DDB2: variants seen among roughly 807,000 people sequenced by gnomAD.
DDB2 encodes DNA damage-binding protein 2.
Under a neutral mutation model 50.5 loss-of-function variants are expected in DDB2, and 27 were observed. That is an observed-to-expected ratio of 0.53 (90% CI 0.39 to 0.74). The LOEUF (loss-of-function observed/expected upper bound fraction) is 0.74, where lower values mean the gene tolerates loss of function less well. Ranked by LOEUF, DDB2 falls within the 30% of genes least tolerant of loss-of-function variation. The probability of loss-of-function intolerance (pLI) is 0.00; values close to 1 mark genes in which losing one functional copy is unlikely to be tolerated. For synonymous variants in DDB2, 176 were observed against 205.5 expected (o/e 0.86, Z 1.23); for missense variants, 424 against 545.6 (o/e 0.78, Z 2.22).
chr11:47,229,017 CTATCTTCCT>C (rs1457207902), intron 3 of DDB2, among the ~76,000 whole-genome samples: 2 of 149,988 alleles, frequency 1.3e-5, no homozygotes, highest in Non-Finnish European at 1.5e-5. Flanking sequence ...ATCTATCTAT[CTATCTTCCT>C]CTTTCTTCAT....
chr11:47,236,787 T>C (rs1252837534), intron 7 of DDB2, among the ~76,000 whole-genome samples: 1 of 152,244 alleles, frequency 6.6e-6, no homozygotes, highest in East Asian at 1.9e-4. Flanking sequence ...CCTTCCCCAG[T>C]TGGTGTTCCT....
intron 3 of DDB2, among the ~76,000 whole-genome samples, chr11:47,225,840 T>C (rs1178418034): frequency 2.6e-5 from 4 of 152,190 alleles, no homozygotes; most frequent in South Asian, 4.1e-4. Flanking sequence ...ACTTTAGATA[T>C]CTCATCTAAG....
intron 3 of DDB2, among the ~76,000 whole-genome samples, chr11:47,221,280 T>G (rs2135491172): frequency 6.6e-6 from 1 of 151,826 alleles, no homozygotes; most frequent in South Asian, 2.1e-4. Context: ...TACACTATTT[T>G]TTTTTTTTTC....
rs772542105 is a variant in DDB2 at position 47,215,257 on chromosome 11, G to T, written c.121G>T (p.Gly41Cys). The change falls in exon 1 of 10, where the codon GGC (glycine) becomes TGC (cysteine). Residue 41 changes from glycine to cysteine, a missense_variant. Physicochemically the swap from Gly to Cys is radical, Grantham distance 159. Coordinates refer to ENST00000256996, the MANE Select transcript of DDB2 (RefSeq NM_000107.3). ...EPEAKKLCAK[G>C]SGPSRRCDSD... ...CGAGGCCAAGAAGCTCTGTGCGAAGGGCTCCGGTACTGCCTGTGCCTGCTG... is the reference window on the plus strand; with the variant it reads ...CGAGGCCAAGAAGCTCTGTGCGAAGTGCTCCGGTACTGCCTGTGCCTGCTG... 1 of 1,613,798 alleles carries T rather than the reference G, an allele frequency of 6.2e-7. No homozygotes were observed. Among genetic ancestry groups the T allele is most frequent in the Non-Finnish European group, 8.5e-7 (1 of 1,179,986 alleles).
chr11:47,216,679 T>G (rs1953404757), intron 2 of DDB2, among the ~76,000 whole-genome samples, 179 bp from the exon 3 acceptor site: 1 of 152,194 alleles, frequency 6.6e-6, no homozygotes, highest in Admixed American at 6.5e-5. Flanking sequence ...CTGCCCCTTT[T>G]GCTTTCCAAG....
At chr11:47,223,943 A>T (rs4647726) in intron 3 of DDB2, among the ~76,000 whole-genome samples, 40,156 of 151,964 alleles carry the variant, frequency 0.26, 6,622 homozygotes, top group East Asian at 0.65. Context: ...CATCTCTACA[A>T]AAAAATCTTA....
chr11:47,226,257 T>TTCCC (rs1224499183), intron 3 of DDB2, among the ~76,000 whole-genome samples: 18 of 151,320 alleles, frequency 1.2e-4, no homozygotes, highest in Non-Finnish European at 7.4e-5. Flanking sequence ...ACTTCTCTAC[T>TTCCC]TCCCCACCAA....
At chr11:47,236,926 A>G (rs1400062265) in intron 7 of DDB2, among the ~76,000 whole-genome samples, 2 of 152,238 alleles carry the variant, frequency 1.3e-5, no homozygotes, top group African/African-American at 2.4e-5. Flanking sequence ...CGCATGTACT[A>G]TTTCTTCCTT....
In DDB2 at chr11:47,215,055, C is replaced by T; in HGVS notation, c.-82C>T. 6.2e-7 allele frequency: 1 copy of T among 1,606,458 alleles called. No homozygotes were observed. The highest frequency in any genetic ancestry group is 2.2e-5 in the East Asian group (1 of 44,794). On this transcript the variant is annotated 5_prime_UTR_variant, in exon 1 of 10. Transcript: ENST00000256996. ...TGGCCCCGCAGTTTTGTAGTCCCCG[C>T]CTTGTTTCTCCCCAGAGGCCTCTCA...
rs1179727678 is a variant in DDB2, at chr11:47,239,092, G to C, written c.*243G>C. 1.9e-6 allele frequency: 1 copy of C among 523,130 alleles called. No individual in the cohort carries two copies. The highest frequency in any genetic ancestry group is 1.9e-5 in the African/African-American group (1 of 52,434). The allele number at this position is 523,130 out of a possible 1,614,324, so 32.4% of individuals were successfully genotyped here. ...TGTCCCAAGGGCCCCTCTGTATCTA[G>C]CCTGGAACCAAGGTTATCTTGGAAC... On this transcript the variant is annotated 3_prime_UTR_variant, in exon 10 of 10. Coordinates refer to ENST00000256996, the MANE Select transcript of DDB2 (RefSeq NM_000107.3).
At chr11:47,227,487 G>A (rs1953577669) in intron 3 of DDB2, among the ~76,000 whole-genome samples, 1 of 150,098 alleles carries the variant, frequency 6.7e-6, no homozygotes, top group Non-Finnish European at 1.5e-5. Context: ...TTTGTCGATT[G>A]TTTCTTTTGA....
chr11:47,214,911 C>T, upstream of DDB2: 1 of 613,312 alleles, frequency 1.6e-6, no homozygotes. Flanking sequence ...ACCCCCTCCC[C>T]GCGCCCCCGC....
intron 3 of DDB2, among the ~76,000 whole-genome samples, chr11:47,222,526 A>G (rs781493486): frequency 1.3e-5 from 2 of 152,130 alleles, no homozygotes; most frequent in African/African-American, 4.8e-5. Context: ...AAATTTTGTT[A>G]TAGAGACAGA....
intron 1 of DDB2, chr11:47,215,590 A>T: frequency 2.8e-6 from 1 of 356,954 alleles, no homozygotes; most frequent in Non-Finnish European, 5.4e-6. Flanking sequence ...TTTCATAGTC[A>T]CGCTTGTTAG....
At chr11:47,215,629 A>G (rs1456840117) in intron 1 of DDB2, 1 of 354,534 alleles carries the variant, frequency 2.8e-6, no homozygotes, top group Non-Finnish European at 5.5e-6. Flanking sequence ...CAGTTGTGAG[A>G]GCCCCCAATT....
At chr11:47,218,573 C>G (rs978148868) in intron 3 of DDB2, among the ~76,000 whole-genome samples, 23 of 152,106 alleles carry the variant, frequency 1.5e-4, no homozygotes, top group Non-Finnish European at 4.4e-5. Context: ...TGGGAATGGT[C>G]TTTGTTGTGC....
chr11:47,232,588 G>A (rs1468587766), intron 3 of DDB2, among the ~76,000 whole-genome samples: 2 of 152,144 alleles, frequency 1.3e-5, no homozygotes, highest in African/African-American at 4.8e-5. Context: ...GCAGTGAGCC[G>A]TGTTTGTGCC....
intron 6 of DDB2, 73 bp downstream of exon 6, chr11:47,235,007 T>C (rs1414513694): frequency 6.5e-7 from 1 of 1,538,176 alleles, no homozygotes; most frequent in Non-Finnish European, 9.0e-7. Flanking sequence ...TCCCTCAGTG[T>C]GGAAGCCACT....
intron 9 of DDB2, 97 bp downstream of exon 9, chr11:47,238,280 C>G (rs1953772605): frequency 9.0e-7 from 1 of 1,109,910 alleles, no homozygotes; most frequent in East Asian, 2.6e-5. Context: ...CACATTCACC[C>G]CAGGGCAGTG....
Sources: allele counts gnomAD v4.1 joint callset (sites outside exome capture counted in the v4.1 genomes callset), GRCh38; gene constraint gnomAD v4.1.1; transcripts MANE v1.5; gene names NCBI Gene and HGNC (gene_info 2026-07-23, HGNC 2026-07-21).